SLC6A4: variants seen among roughly 807,000 people sequenced by gnomAD.
SLC6A4 encodes solute carrier family 6 member 4.
SLC6A4 carries 22 observed loss-of-function variants against 73.4 expected under a neutral mutation model. The ratio of observed to expected loss-of-function variants is 0.30; its 90% confidence interval spans 0.21 to 0.43. The LOEUF is 0.43. SLC6A4 is among the 20% of genes least tolerant of loss of function. SLC6A4 has a pLI of 1.00. For missense variants in SLC6A4, 593 were observed against 808.5 expected (o/e 0.73, Z 3.23); for synonymous variants, 270 against 315.5 (o/e 0.86, Z 1.53).
intron 11 of SLC6A4, among the ~76,000 whole-genome samples, chr17:30,210,058 G>C (rs1193832291): frequency 6.7e-6 from 1 of 150,144 alleles, no homozygotes; most frequent in Non-Finnish European, 1.5e-5. Flanking sequence ...ATCTGCCTTA[G>C]AGTATTTACT....
intron 14 of SLC6A4, 31 bp from the exon 15 acceptor site, chr17:30,198,561 A>G: frequency 7.8e-7 from 1 of 1,281,350 alleles, no homozygotes; most frequent in Non-Finnish European, 1.1e-6. Context: ...TGTTATAAAC[A>G]TCCTTGTAAT....
rs892813376 is a variant in SLC6A4, at chr17:30,235,554, C to G, written c.-221+59G>C. 1.3e-5 allele frequency: 2 copies of G among 152,212 alleles called. No individual in the cohort carries two copies. The highest frequency in any genetic ancestry group is 4.8e-5 in the African/African-American group (2 of 41,444). The allele number at this position is 152,212 out of a possible 1,614,324, so 9.4% of individuals were successfully genotyped here. ...AGCGGTTCTATCCCCCTCCCCGAGG[C>G]GGGGAAGAAGGTCTGGAAAGAAACG... On this transcript the variant is annotated intron_variant, in intron 1 of 14. Transcript: ENST00000650711. This position sits in a 1 kb window ranked among gnomAD's most constrained non-coding sequence, Gnocchi z 4.5.
chr17:30,231,285 T>G (rs1053228246), intron 1 of SLC6A4, among the ~76,000 whole-genome samples: 1 of 151,356 alleles, frequency 6.6e-6, no homozygotes, highest in Non-Finnish European at 1.5e-5. Flanking sequence ...CCTATATATA[T>G]AGTATATATA....
intron 8 of SLC6A4, among the ~76,000 whole-genome samples, chr17:30,213,805 G>A (rs1906463501): frequency 6.6e-6 from 1 of 151,988 alleles, no homozygotes; most frequent in Non-Finnish European, 1.5e-5. Flanking sequence ...GAAGTGCAGT[G>A]GCATGAACAC....
chr17:30,229,115 G>A (rs1388743417), intron 1 of SLC6A4, among the ~76,000 whole-genome samples: 1 of 152,178 alleles, frequency 6.6e-6, no homozygotes, highest in Non-Finnish European at 1.5e-5. Flanking sequence ...TGCATCTTGT[G>A]GGCAGAGGAG....
intron 14 of SLC6A4, among the ~76,000 whole-genome samples, chr17:30,200,028 A>G (rs749644046): frequency 3.9e-5 from 6 of 152,078 alleles, no homozygotes; most frequent in Non-Finnish European, 7.4e-5. Flanking sequence ...CCTCCCAAGT[A>G]GCTGGACCTA....
chr17:30,224,225 G>GTTTTT (rs796258128), intron 1 of SLC6A4, among the ~76,000 whole-genome samples: 1 of 140,712 alleles, frequency 7.1e-6, no homozygotes, highest in Non-Finnish European at 1.6e-5. Flanking sequence ...CCACAGTTTT[G>GTTTTT]TTTTTTTTTT....
Position 30,197,674 on chromosome 17 carries a change from T to C in SLC6A4, c.*782A>G, listed in dbSNP as rs1256088119. ...CCAGAGGCTGGCCTGTAAAGGAAAG[T>C]GTGTGGCTCAAGTAGTGTCACTGGA... On this transcript the variant is annotated 3_prime_UTR_variant, in exon 15 of 15. Coordinates refer to ENST00000650711, the MANE Select transcript of SLC6A4 (RefSeq NM_001045.6). 1 of 152,434 alleles carries C rather than the reference T, an allele frequency of 6.6e-6. No individual in the cohort carries two copies. The allele number at this position is 152,434 out of a possible 1,614,324, so 9.4% of individuals were successfully genotyped here.
At chr17:30,226,573 G>C (rs183182834) in intron 1 of SLC6A4, among the ~76,000 whole-genome samples, 1 of 152,158 alleles carries the variant, frequency 6.6e-6, no homozygotes, top group Non-Finnish European at 1.5e-5. Flanking sequence ...GGTGGCGGGT[G>C]CCTGTAATCT....
At chr17:30,206,741 CAG>C (rs1316013051) in intron 13 of SLC6A4, among the ~76,000 whole-genome samples, 1 of 33,852 alleles carries the variant, frequency 3.0e-5, no homozygotes, top group African/African-American at 1.5e-4. Context: ...TTTTTTGAGA[CAG>C]AGTCTTGCTC....
chr17:30,206,712 C>CTTTTCTTTTTTTTTTTTTTTTTTTTTTTT (rs61636654), intron 13 of SLC6A4, among the ~76,000 whole-genome samples: 6 of 80,298 alleles, frequency 7.5e-5, no homozygotes, highest in South Asian at 4.2e-4. Context: ...CTTTTCTTTT[C>CTTTTCTTTTTTTTTTTTTTTTTTTTTTTT]TTTTTTTTTT....
intron 12 of SLC6A4, among the ~76,000 whole-genome samples, chr17:30,208,160 T>G (rs2143013968): frequency 6.6e-6 from 1 of 152,222 alleles, no homozygotes; most frequent in East Asian, 1.9e-4. Flanking sequence ...GGAGGATGGA[T>G]GGGCATCTGG....
At chr17:30,208,538 CG>C (rs1906278593) in intron 12 of SLC6A4, among the ~76,000 whole-genome samples, 1 of 151,936 alleles carries the variant, frequency 6.6e-6, no homozygotes. Flanking sequence ...TGAACTTGGT[CG>C]TCTGAATTGC....
At position 30,215,751 on chromosome 17, in the gene SLC6A4, G is replaced by A. The variant is rs60195519; in HGVS notation, c.973-37C>T. ...CAGGGGTAAGGGCATGGGGTGAGGG[G>A]GAGACACAGGCTTACCCTGGCACCA... is the stretch of plus-strand genomic sequence containing the variant. On this transcript the variant is annotated intron_variant, in intron 7 of 14. Transcript: ENST00000650711. 9.3e-5 allele frequency: 144 copies of A among 1,553,506 alleles called. 1 individual carries two copies. The East Asian group carries it at 2.8e-3, about 30-fold the overall frequency.
At position 30,207,816 on chromosome 17, in the gene SLC6A4, G is replaced by A; in HGVS notation, c.1566C>T (p.Cys522=). ...VSWFYGITQF[C]RDVKEMLGFS... ...AGCCGAGCATTTCCTTCACGTCCCT[G>A]CAGAACTGAGTGATGCCTGGAACCG... The change falls in exon 13 of 15, where the codon TGC becomes TGT. Residue 522 remains cysteine, a synonymous_variant. Coordinates refer to ENST00000650711, the MANE Select transcript of SLC6A4 (RefSeq NM_001045.6). 1 of 1,613,860 alleles carries A rather than the reference G, an allele frequency of 6.2e-7. No homozygotes were observed. The highest frequency in any genetic ancestry group is 1.1e-5 in the South Asian group (1 of 91,070).
chr17:30,209,118 C>T, intron 12 of SLC6A4, 25 bp downstream of exon 12: 1 of 1,556,538 alleles, frequency 6.4e-7, no homozygotes, highest in Admixed American at 1.7e-5. Flanking sequence ...AGAAGGGACC[C>T]AGCTGGCTGA....
intron 8 of SLC6A4, among the ~76,000 whole-genome samples, chr17:30,214,834 C>A (rs1473044161): frequency 6.6e-6 from 1 of 151,762 alleles, no homozygotes; most frequent in African/African-American, 2.4e-5. Flanking sequence ...GGGGTTTCAC[C>A]GTGTTAGCCA....
At chr17:30,215,194 C>T (rs1198910345) in intron 8 of SLC6A4, among the ~76,000 whole-genome samples, 1 of 152,086 alleles carries the variant, frequency 6.6e-6, no homozygotes, top group African/African-American at 2.4e-5. Context: ...AGGTGTGCAA[C>T]ACCATGCCTG....
At chr17:30,203,511 C>G in intron 13 of SLC6A4, 172 bp from the exon 14 acceptor site, 2 of 615,830 alleles carry the variant, frequency 3.2e-6, no homozygotes, top group Non-Finnish European at 5.6e-6. Flanking sequence ...ACTTCTGTAC[C>G]CAAGCTGCAA....
Sources: allele counts gnomAD v4.1 joint callset (sites outside exome capture counted in the v4.1 genomes callset), GRCh38; gene constraint gnomAD v4.1.1; non-coding constraint Gnocchi (gnomAD v3.1); transcripts MANE v1.5; gene names NCBI Gene and HGNC (gene_info 2026-07-23, HGNC 2026-07-21).